Variants in TRIM49C observed in about 807,000 individuals in gnomAD.
The protein encoded by TRIM49C is tripartite motif-containing protein 49C.
TRIM49C carries 6 observed loss-of-function variants against 21.4 expected under a neutral mutation model. The ratio of observed to expected loss-of-function variants is 0.28; its 90% CI spans 0.15 to 0.55. The LOEUF (loss-of-function observed/expected upper bound fraction) is 0.55, where lower values mean the gene tolerates loss of function less well. Ranked by LOEUF, TRIM49C falls within the 20% of genes least tolerant of loss-of-function variation. TRIM49C has a pLI of 0.94. For missense variants in TRIM49C, 161 were observed against 442.4 expected (o/e 0.36, Z 5.71); for synonymous variants, 57 against 148.1 (o/e 0.38, Z 4.47).
chr11:90,037,131 C>G lies in TRIM49C; in HGVS notation c.508-618C>G, dbSNP rs1176308207. ...TGTTTGTATACATATATATGTAATTCTAGTTGGAGAGAATAGCATATGCAG... is the reference window on the plus strand; with the variant it reads ...TGTTTGTATACATATATATGTAATTGTAGTTGGAGAGAATAGCATATGCAG... On this transcript the variant is annotated intron_variant, in intron 4 of 7. Coordinates refer to ENST00000448984, the MANE Select transcript of TRIM49C (RefSeq NM_001195234.1). Among the ~76,000 whole-genome samples the G allele has an allele frequency of 2.2e-5, 3 of 134,514 alleles. 1 individual carries two copies. In the East Asian group the frequency reaches 6.7e-4, roughly 30 times the overall value. The allele number at this position is 134,514 out of a possible 152,430, so 88.2% of individuals were successfully genotyped here.
At chr11:90,033,359 A>G (rs1302615862) in intron 2 of TRIM49C, among the ~76,000 whole-genome samples, 1 of 134,552 alleles carries the variant, frequency 7.4e-6, no homozygotes, top group African/African-American at 2.7e-5. Flanking sequence ...CATAGGATGT[A>G]TACATATATG....
At chr11:90,071,645 T>A in the TRIM49C span, 1 of 1,005,230 alleles carries the variant, frequency 9.9e-7, no homozygotes, top group South Asian at 1.4e-5. Context: ...GGAATCTATT[T>A]CTTAAACACA....
the TRIM49C span, chr11:90,057,839 A>T: frequency 1.4e-5 from 18 of 1,263,962 alleles, 6 homozygotes; most frequent in South Asian, 2.5e-4. Flanking sequence ...ATCTTTCATC[A>T]GAATCAATAA....
At chr11:90,033,532 C>T (rs1315709361) in intron 2 of TRIM49C, among the ~76,000 whole-genome samples, 1 of 130,406 alleles carries the variant, frequency 7.7e-6, no homozygotes, top group Non-Finnish European at 1.6e-5. Context: ...GTATGCAGTA[C>T]AGAACATACT....
the TRIM49C span, chr11:90,053,466 C>A: frequency 6.5e-6 from 1 of 153,116 alleles, no homozygotes; most frequent in Non-Finnish European, 1.4e-5. Context: ...CCACACCGCA[C>A]CAGCGTCCGC....
downstream of TRIM49C, among the ~76,000 whole-genome samples, chr11:90,046,119 A>G (rs936741413): frequency 8.2e-6 from 1 of 122,090 alleles, no homozygotes; most frequent in African/African-American, 3.3e-5. Flanking sequence ...CTTGGATCCC[A>G]GGGATGAAGC....
chr11:90,053,504 C>T, the TRIM49C span: 2 of 157,678 alleles, frequency 1.3e-5, no homozygotes, highest in South Asian at 1.7e-4. Flanking sequence ...AGGACGCCCT[C>T]CTCCGGTACG....
Position 90,033,861 on chromosome 11 carries a change from G to A in TRIM49C, c.-5+1279G>A, listed in dbSNP as rs1262738815. On this transcript the variant is annotated intron_variant, in intron 2 of 7. Transcript: ENST00000448984. The stretch of plus-strand genomic sequence containing the variant: ...CTTGGGAACCTGATGCAGGAGAATC[G>A]CTCTGAACCTGGAGGCGGAGGTTAC... Among the ~76,000 whole-genome samples, 36 of 123,468 alleles carry A rather than the reference G, an allele frequency of 2.9e-4. 2 individuals carry two copies. Among genetic ancestry groups the A allele is most frequent in the Non-Finnish European group, 5.2e-4 (31 of 60,052 alleles). 81.0% of individuals were successfully genotyped at this position (123,468 alleles called of 152,430 possible).
In TRIM49C at chr11:90,032,553, C is replaced by G. The variant is rs1402813276; in HGVS notation, c.-34C>G. The G allele has an allele frequency of 7.7e-6, 1 of 130,066 alleles. No homozygotes were observed. The highest frequency in any genetic ancestry group is 1.6e-5 in the Non-Finnish European group (1 of 62,190). The allele number at this position is 130,066 out of a possible 1,614,324, so 8.1% of individuals were successfully genotyped here. Reference sequence around the variant, plus strand: ...TTAACAAAATTATTTTTGGAAAAATCGTTGTGGGAACCATTAAAAGAACTC... The same window carrying G: ...TTAACAAAATTATTTTTGGAAAAATGGTTGTGGGAACCATTAAAAGAACTC... On this transcript the variant is annotated 5_prime_UTR_variant, in exon 2 of 8. The change creates a new upstream start codon in the 5' untranslated region. Coordinates refer to ENST00000448984, the MANE Select transcript of TRIM49C (RefSeq NM_001195234.1).
Position 90,035,737 on chromosome 11 carries a change from G to C in TRIM49C, c.411+115G>C. 13 of 1,246,874 alleles carry C rather than the reference G, an allele frequency of 1.0e-5. 2 individuals are homozygous for C. The highest frequency in any genetic ancestry group is 1.4e-5 in the Non-Finnish European group (13 of 959,436). The allele number at this position is 1,246,874 out of a possible 1,614,324, so 77.2% of individuals were successfully genotyped here. A position where few individuals can be genotyped will look rare whatever the true frequency, so the allele number is the denominator to read the frequency against. On this transcript the variant is annotated intron_variant, in intron 3 of 7. Coordinates refer to ENST00000448984, the MANE Select transcript of TRIM49C (RefSeq NM_001195234.1). ...TGAGTCCCTTTAAGCAGCTCTGTTT[G>C]GGCTTTCTTAGCTTCCAACCTCTGG...
intron 4 of TRIM49C, among the ~76,000 whole-genome samples, chr11:90,037,039 ATATG>A (rs1338810437): frequency 2.6e-5 from 3 of 115,556 alleles, no homozygotes; most frequent in East Asian, 2.7e-4. Flanking sequence ...ATGAGTGTGT[ATATG>A]TATGTATGTG....
chr11:90,039,474 C>G (rs1197496241), intron 6 of TRIM49C, among the ~76,000 whole-genome samples: 1 of 130,598 alleles, frequency 7.7e-6, no homozygotes, highest in Non-Finnish European at 1.6e-5. Context: ...GGGGAGAGAA[C>G]AAGTTTCCAT....
chr11:90,047,980 T>G, the TRIM49C span, among the ~76,000 whole-genome samples: 2 of 118,054 alleles, frequency 1.7e-5, 1 homozygote. Flanking sequence ...ACAAAATCTC[T>G]CAGCATTTGC....
At chr11:90,054,647 T>C in the TRIM49C span, among the ~76,000 whole-genome samples, 1 of 130,460 alleles carries the variant, frequency 7.7e-6, no homozygotes, top group African/African-American at 2.8e-5. Flanking sequence ...ATTGACAATG[T>C]TCTTAGTGGT....
the TRIM49C span, chr11:90,071,725 A>C: frequency 3.2e-6 from 4 of 1,265,726 alleles, 1 homozygote; most frequent in Non-Finnish European, 4.4e-6. Context: ...CACATGCTCC[A>C]GCCTGTGAAT....
the TRIM49C span, chr11:90,071,208 G>A: frequency 3.5e-5 from 17 of 490,578 alleles, 4 homozygotes; most frequent in South Asian, 2.0e-4. Flanking sequence ...AGCACAAGGC[G>A]TGCTGTGAAA....
At chr11:90,046,381 A>G (rs1950801763), downstream of TRIM49C, among the ~76,000 whole-genome samples, 2 of 126,964 alleles carry the variant, frequency 1.6e-5, 1 homozygote, top group Non-Finnish European at 3.3e-5. Flanking sequence ...TACCTCTAGT[A>G]GAAGTCAGCT....
intron 4 of TRIM49C, among the ~76,000 whole-genome samples, chr11:90,037,045 A>T (rs1445646450): frequency 9.0e-6 from 1 of 110,642 alleles, no homozygotes; most frequent in Non-Finnish European, 1.9e-5. Flanking sequence ...GTGTATATGT[A>T]TGTATGTGTG....
the TRIM49C span, among the ~76,000 whole-genome samples, chr11:90,065,916 A>C: frequency 7.4e-6 from 1 of 135,252 alleles, no homozygotes; most frequent in Non-Finnish European, 1.6e-5. Flanking sequence ...AGATAGCACC[A>C]CTGCACTCCA....
Sources: allele counts gnomAD v4.1 joint callset (sites outside exome capture counted in the v4.1 genomes callset), GRCh38; gene constraint gnomAD v4.1.1; transcripts MANE v1.5; gene names NCBI Gene and HGNC (gene_info 2026-07-23, HGNC 2026-07-21).